The following DNAAF11 variants were observed in gnomAD, a reference collection of about 807,000 sequenced individuals.
DNAAF11 encodes the protein leucine rich repeat containing 6.
In DNAAF11, 45 loss-of-function variants were observed where a neutral mutation model predicts 60.8. That is an observed-to-expected ratio of 0.74 (90% CI 0.58 to 0.95). The LOEUF (loss-of-function observed/expected upper bound fraction) is 0.95, where lower values mean the gene tolerates loss of function less well. Ranked by LOEUF, DNAAF11 falls within the 40% of genes least tolerant of loss-of-function variation. The pLI is 0.00. For missense variants in DNAAF11, 546 were observed against 546.2 expected, an observed-to-expected ratio of 1.00 and a Z score of 0.00; for synonymous variants, 191 against 183.5, an observed-to-expected ratio of 1.04 and a Z score of -0.33.
chr8:132,621,090 G>T (rs1819713566), intron 7 of DNAAF11, among the ~76,000 whole-genome samples: 1 of 152,194 alleles, frequency 6.6e-6, no homozygotes, highest in Admixed American at 6.5e-5. Context: ...ACTGCGGGAA[G>T]AAGGAGCAGG....
At chr8:132,584,642 A>G (rs3779970) in intron 10 of DNAAF11, among the ~76,000 whole-genome samples, 77,514 of 151,910 alleles carry the variant, frequency 0.51, 23,024 homozygotes, top group African/African-American at 0.83. Flanking sequence ...ACCTGGAGTG[A>G]GTGTCCATTC....
chr8:132,670,050 A>C (rs1257613092), intron 1 of DNAAF11, among the ~76,000 whole-genome samples: 2 of 151,994 alleles, frequency 1.3e-5, no homozygotes, highest in South Asian at 2.1e-4. Flanking sequence ...AAATACTTAT[A>C]GTAGGAATAA....
intron 7 of DNAAF11, among the ~76,000 whole-genome samples, chr8:132,617,833 G>C (rs1267423611): frequency 1.3e-5 from 2 of 150,762 alleles, no homozygotes; most frequent in Non-Finnish European, 1.5e-5. Flanking sequence ...CATGCTCATG[G>C]GTAGGAAGAA....
chr8:132,605,946 G>A (rs1026521667), intron 10 of DNAAF11, among the ~76,000 whole-genome samples: 45 of 151,584 alleles, frequency 3.0e-4, no homozygotes, highest in African/African-American at 9.7e-4. Context: ...GACATAATGG[G>A]GTCGGGGGGA....
chr8:132,609,853 G>A lies in DNAAF11; in HGVS notation c.1140+313C>T, dbSNP rs76032427. On this transcript the variant is annotated intron_variant, in intron 10 of 11. Transcript: ENST00000620350. ...TTGGGGTTTCTGCAGCTTACAGCAGGAAATATCCCAACTCATTCATATGGC... is the reference window on the plus strand; with the variant it reads ...TTGGGGTTTCTGCAGCTTACAGCAGAAAATATCCCAACTCATTCATATGGC... 7.9e-5 allele frequency among the ~76,000 whole-genome samples: 12 copies of A among 152,246 alleles called. No individual in the cohort carries two copies. The East Asian group carries it at 2.3e-3, about 29-fold the overall frequency.
At chr8:132,664,021 T>C (rs1367845790) in intron 1 of DNAAF11, among the ~76,000 whole-genome samples, 2 of 152,196 alleles carry the variant, frequency 1.3e-5, no homozygotes, top group Non-Finnish European at 2.9e-5. Context: ...TGCTCTGTCA[T>C]AGAACTCCAG....
intron 10 of DNAAF11, among the ~76,000 whole-genome samples, chr8:132,593,012 G>A (rs1816622738): frequency 6.6e-6 from 1 of 151,850 alleles, no homozygotes; most frequent in South Asian, 2.1e-4. Flanking sequence ...GATCAATCAG[G>A]AGAGGGTAAG....
the DNAAF11 span, among the ~76,000 whole-genome samples, chr8:132,697,698 T>C: frequency 1.3e-5 from 2 of 152,052 alleles, no homozygotes; most frequent in Admixed American, 1.3e-4. Flanking sequence ...AATGTGTATG[T>C]GGAGCTCACC....
chr8:132,696,355 A>G, the DNAAF11 span, among the ~76,000 whole-genome samples: 1 of 152,158 alleles, frequency 6.6e-6, no homozygotes, highest in Non-Finnish European at 1.5e-5. Context: ...AGAATACATA[A>G]TAGTACACTC....
chr8:132,696,530 A>C, the DNAAF11 span, among the ~76,000 whole-genome samples: 2 of 152,222 alleles, frequency 1.3e-5, no homozygotes, highest in South Asian at 4.1e-4. Flanking sequence ...CAATTGGTGA[A>C]TGGATAAACA....
At chr8:132,584,188 C>T (rs536493169) in intron 10 of DNAAF11, among the ~76,000 whole-genome samples, 5 of 152,240 alleles carry the variant, frequency 3.3e-5, no homozygotes, top group Non-Finnish European at 4.4e-5. Context: ...CTCATTCTCC[C>T]GGCTCACTGC....
chr8:132,583,810 G>T, intron 10 of DNAAF11, 31 bp from the exon 11 acceptor site: 1 of 1,403,330 alleles, frequency 7.1e-7, no homozygotes, highest in Non-Finnish European at 1.0e-6. Context: ...ACACCAAGTG[G>T]TGCATTACTC....
Position 132,638,017 on chromosome 8 carries a change from T to A in DNAAF11, c.347A>T (p.Lys116Met). 6.2e-7 allele frequency: 1 copy of A among 1,614,146 alleles called. No homozygotes were observed. The highest frequency in any genetic ancestry group is 8.5e-7 in the Non-Finnish European group (1 of 1,179,958). The change falls in exon 4 of 12, where the codon AAG (lysine) becomes ATG (methionine). Residue 116 changes from lysine (K) to methionine (M), a missense_variant. Physicochemically the swap from Lys to Met is moderately conservative, Grantham distance 95. Coordinates refer to ENST00000620350, the MANE Select transcript of DNAAF11 (RefSeq NM_012472.6). ...IKNLQHNIHLKELFLMGNPCA... is the reference protein window; with the variant it reads ...IKNLQHNIHLMELFLMGNPCA... ...TGGGTTCCCCATGAGAAAGAGCTCC[T>A]TCAGATGGATATTGTGCTGCAAGTT...
In DNAAF11 at chr8:132,593,332, C is replaced by CATATATATATATATATAT. The variant is rs60462067; in HGVS notation, c.1141-9571_1141-9554dup. ...ATAAACTTCAAAGAATATATACATA[C>CATATATATATATATATAT]ATATATATATATATATATATATATA... On this transcript the variant is annotated intron_variant, in intron 10 of 11. Coordinates refer to ENST00000620350, the MANE Select transcript of DNAAF11 (RefSeq NM_012472.6). Among the ~76,000 whole-genome samples the CATATATATATATATATAT allele has an allele frequency of 5.0e-3, 545 of 108,536 alleles. 4 individuals are homozygous for CATATATATATATATATAT. The highest frequency in any genetic ancestry group is 0.015 in the Middle Eastern group (2 of 136). The allele number at this position is 108,536 out of a possible 152,430, so 71.2% of individuals were successfully genotyped here. A position where few individuals can be genotyped will look rare whatever the true frequency, so the allele number is the denominator to read the frequency against.
intron 7 of DNAAF11, among the ~76,000 whole-genome samples, chr8:132,619,769 G>C (rs1398685768): frequency 6.6e-6 from 1 of 152,190 alleles, no homozygotes; most frequent in African/African-American, 2.4e-5. Flanking sequence ...GTGTGAGACT[G>C]ATCTAGCAGA....
intron 10 of DNAAF11, among the ~76,000 whole-genome samples, chr8:132,604,795 A>G (rs1460509229): frequency 6.6e-6 from 1 of 152,184 alleles, no homozygotes; most frequent in African/African-American, 2.4e-5. Flanking sequence ...CATACATATA[A>G]TATCTATAAA....
At chr8:132,656,712 T>C in intron 3 of DNAAF11, 118 bp downstream of exon 3, 1 of 527,856 alleles carries the variant, frequency 1.9e-6, no homozygotes, top group South Asian at 1.9e-5. Context: ...CCTCAGGTGA[T>C]CTGCCCGCCT....
At chr8:132,684,040 G>C in the DNAAF11 span, among the ~76,000 whole-genome samples, 1 of 152,144 alleles carries the variant, frequency 6.6e-6, no homozygotes, top group Non-Finnish European at 1.5e-5. Context: ...GGCACTCCAT[G>C]GCACCCCCTG....
At chr8:132,611,260 T>C in intron 9 of DNAAF11, 34 bp downstream of exon 9, 2 of 1,496,094 alleles carry the variant, frequency 1.3e-6, no homozygotes, top group Non-Finnish European at 1.9e-6. Context: ...AGCTTAGCTT[T>C]TGAAATTGTA....
Sources: allele counts gnomAD v4.1 joint callset (sites outside exome capture counted in the v4.1 genomes callset), GRCh38; gene constraint gnomAD v4.1.1; transcripts MANE v1.5; gene names NCBI Gene and HGNC (gene_info 2026-07-23, HGNC 2026-07-21).